CLDN14: variants seen among roughly 807,000 people sequenced by gnomAD.
The protein encoded by CLDN14 is claudin 14.
A neutral mutation model predicts 2.1 loss-of-function variants in CLDN14; 2 were observed. The ratio of observed to expected loss-of-function variants is 0.96; its 90% CI spans 0.39 to 3.01. CLDN14 has a LOEUF of 3.01. Ranked by LOEUF, CLDN14 falls within the 30% of genes most tolerant of loss-of-function variation. The pLI is 0.09. For synonymous variants in CLDN14, 136 were observed against 154.4 expected, an observed-to-expected ratio of 0.88 and a Z score of 0.88; for missense variants, 298 against 328.0, an observed-to-expected ratio of 0.91 and a Z score of 0.71.
chr21:36,488,344 T>A (rs2086922054), intron 2 of CLDN14, among the ~76,000 whole-genome samples: 1 of 151,648 alleles, frequency 6.6e-6, no homozygotes, highest in African/African-American at 2.4e-5. Flanking sequence ...GGATCTCAGT[T>A]CACTGCAACC....
intron 1 of CLDN14, among the ~76,000 whole-genome samples, chr21:36,545,481 C>A (rs2087520251): frequency 6.6e-6 from 1 of 152,110 alleles, no homozygotes; most frequent in South Asian, 2.1e-4. Flanking sequence ...AAATGTGTCA[C>A]CTTCAATAAG....
At position 36,561,146 on chromosome 21, in the gene CLDN14, CCCACT is replaced by C. The variant is rs578028247; in HGVS notation, c.-220+15260_-220+15264del. On this transcript the variant is annotated intron_variant, in intron 1 of 2. Transcript: ENST00000342108. ...TTGTGGATGTGTCGCAATCCTCAGA[CCCACT>C]CTGAGTGGTTTAAACAGACTCCAAG... is the stretch of plus-strand genomic sequence containing the variant. Among the ~76,000 whole-genome samples the C allele has an allele frequency of 1.1e-4, 17 of 152,290 alleles. No individual in the cohort carries two copies. In the South Asian group the frequency reaches 3.3e-3, roughly 30 times the overall value.
At chr21:36,527,977 A>G (rs2087347661) in intron 1 of CLDN14, among the ~76,000 whole-genome samples, 1 of 152,210 alleles carries the variant, frequency 6.6e-6, no homozygotes, top group Non-Finnish European at 1.5e-5. Context: ...GTTTTCAAAA[A>G]GCCCAACTTT....
intron 1 of CLDN14, among the ~76,000 whole-genome samples, chr21:36,527,213 G>T (rs1047035523): frequency 4.6e-5 from 7 of 152,160 alleles, no homozygotes; most frequent in Non-Finnish European, 8.8e-5. Flanking sequence ...AATATTACAC[G>T]TAGAATAATG....
chr21:36,566,306 A>C (rs2087672530), intron 1 of CLDN14, among the ~76,000 whole-genome samples: 1 of 152,238 alleles, frequency 6.6e-6, no homozygotes, highest in Non-Finnish European at 1.5e-5. Context: ...TAAAGCACTC[A>C]GTCAACAGTA....
intron 1 of CLDN14, among the ~76,000 whole-genome samples, chr21:36,546,884 C>T (rs1193634921): frequency 6.6e-6 from 1 of 152,158 alleles, no homozygotes; most frequent in African/African-American, 2.4e-5. Flanking sequence ...GTGATGTTGC[C>T]TCCCCACCCC....
chr21:36,486,550 G>A (rs762216401), intron 2 of CLDN14: 21 of 1,559,452 alleles, frequency 1.3e-5, no homozygotes, highest in Non-Finnish European at 1.8e-5. Context: ...TCGGAGAACT[G>A]ATGAGAGCAT....
chr21:36,532,121 C>T (rs1249052416), intron 1 of CLDN14: 1 of 152,186 alleles, frequency 6.6e-6, no homozygotes, highest in Non-Finnish European at 1.5e-5. Context: ...AGAGGATACG[C>T]ACTGACAAAC....
At chr21:36,533,628 A>C (rs2146503716) in intron 1 of CLDN14, among the ~76,000 whole-genome samples, 1 of 152,266 alleles carries the variant, frequency 6.6e-6, no homozygotes. Context: ...ATGGTAATAA[A>C]TTGGTAAGAC....
chr21:36,508,006 GCACA>G (rs940886911), intron 2 of CLDN14, among the ~76,000 whole-genome samples: 2 of 152,090 alleles, frequency 1.3e-5, no homozygotes, highest in Admixed American at 1.3e-4. Flanking sequence ...GTGTATACAT[GCACA>G]CACACATACA....
At chr21:36,495,575 TTCGATCAA>T (rs2087008402) in intron 2 of CLDN14, among the ~76,000 whole-genome samples, 2 of 152,224 alleles carry the variant, frequency 1.3e-5, no homozygotes, top group Non-Finnish European at 2.9e-5. Flanking sequence ...GCCATGCACA[TTCGATCAA>T]TGCAGATGCT....
chr21:36,542,108 C>T (rs879629667), intron 1 of CLDN14, among the ~76,000 whole-genome samples: 5 of 152,120 alleles, frequency 3.3e-5, no homozygotes, highest in Admixed American at 6.5e-5. Flanking sequence ...CAGGCACTCA[C>T]GCACCACCAC....
At chr21:36,545,547 A>G (rs1022508344) in intron 1 of CLDN14, among the ~76,000 whole-genome samples, 1 of 152,092 alleles carries the variant, frequency 6.6e-6, no homozygotes, top group Non-Finnish European at 1.5e-5. Flanking sequence ...TTGTGCCTAT[A>G]TTTCTCTTAA....
intron 1 of CLDN14, among the ~76,000 whole-genome samples, chr21:36,526,127 T>A (rs558720175): frequency 3.9e-4 from 60 of 152,256 alleles, no homozygotes; most frequent in South Asian, 1.9e-3. Flanking sequence ...CTGAAGATCA[T>A]TTAGTCCAGA....
At chr21:36,508,476 T>C (rs182607231) in intron 2 of CLDN14, among the ~76,000 whole-genome samples, 6 of 152,206 alleles carry the variant, frequency 3.9e-5, no homozygotes, top group Non-Finnish European at 2.9e-5. Flanking sequence ...AGCATTAGGG[T>C]AGGAAGCCGG....
Position 36,540,921 on chromosome 21 carries a change from T to C in CLDN14, c.-219-30421A>G, listed in dbSNP as rs57340296. 4.9e-3 allele frequency among the ~76,000 whole-genome samples: 746 copies of C among 152,272 alleles called. 5 individuals carry two copies. The highest frequency in any genetic ancestry group is 0.016 in the African/African-American group (683 of 41,556). On this transcript the variant is annotated intron_variant, in intron 1 of 2. Coordinates refer to the CLDN14 transcript ENST00000342108. Reference sequence around the variant, plus strand: ...GGAGGTGGGCAAGAGTAGAAGGTATTTTCACAGTCCAAGTGAGATATCAGT... The same window carrying C: ...GGAGGTGGGCAAGAGTAGAAGGTATCTTCACAGTCCAAGTGAGATATCAGT...
chr21:36,487,969 G>A (rs1012757440), intron 2 of CLDN14, among the ~76,000 whole-genome samples: 4 of 152,178 alleles, frequency 2.6e-5, no homozygotes, highest in Admixed American at 2.6e-4. Context: ...GAGATCAAAA[G>A]CATGAAGTAG....
In CLDN14 at chr21:36,551,662, C is replaced by T. The variant is rs1319768355; in HGVS notation, c.-220+24749G>A. ...TGACCCTGAGCCAGCCCTGTTGCAA[C>T]AGCTCCTCCTGAAGATCCCAGATGC... On this transcript the variant is annotated intron_variant, in intron 1 of 2. Transcript: ENST00000342108. This position sits in a 1 kb window ranked among gnomAD's most constrained non-coding sequence, Gnocchi z 4.8. 6.6e-6 allele frequency among the ~76,000 whole-genome samples: 1 copy of T among 152,160 alleles called. No homozygotes were observed. Among genetic ancestry groups the T allele is most frequent in the East Asian group, 1.9e-4 (1 of 5,188 alleles).
At chr21:36,545,172 G>A (rs571239034) in intron 1 of CLDN14, among the ~76,000 whole-genome samples, 3 of 152,252 alleles carry the variant, frequency 2.0e-5, no homozygotes, top group East Asian at 3.9e-4. Flanking sequence ...CCAGAGCAAC[G>A]GGCATTACTC....
Sources: allele counts gnomAD v4.1 joint callset (sites outside exome capture counted in the v4.1 genomes callset), GRCh38; gene constraint gnomAD v4.1.1; non-coding constraint Gnocchi (gnomAD v3.1); transcripts MANE v1.5; gene names NCBI Gene and HGNC (gene_info 2026-07-23, HGNC 2026-07-21).